The following PEX5 variants were observed in gnomAD, a reference collection of about 807,000 sequenced individuals.
The protein encoded by PEX5 is peroxisomal biogenesis factor 5.
PEX5 carries 52 observed loss-of-function variants against 82.9 expected under a neutral mutation model. That is an observed-to-expected ratio of 0.63 (90% CI 0.50 to 0.79). The LOEUF (loss-of-function observed/expected upper bound fraction) is 0.79, where lower values mean the gene tolerates loss of function less well. PEX5 is among the 30% of genes least tolerant of loss of function. The pLI is 0.00. For missense variants in PEX5, 719 were observed against 815.2 expected (o/e 0.88, Z 1.44); for synonymous variants, 300 against 318.8 (o/e 0.94, Z 0.63).
At chr12:7,204,870 A>AT (rs998022052) in intron 10 of PEX5, among the ~76,000 whole-genome samples, 5 of 151,550 alleles carry the variant, frequency 3.3e-5, no homozygotes, top group Non-Finnish European at 7.4e-5. Flanking sequence ...TAGAAAGCAA[A>AT]TTTTTTTTTA....
rs1232020173 is a variant in PEX5, at chr12:7,201,817, T to C, written c.618T>C (p.Asp206=). 1.2e-6 allele frequency: 2 copies of C among 1,613,546 alleles called. No individual in the cohort carries two copies. Among genetic ancestry groups the C allele is most frequent in the Admixed American group, 1.7e-5 (1 of 60,028 alleles). Residue 206 remains aspartate, a synonymous_variant, in exon 7 of 16, where the codon GAT becomes GAC. Coordinates refer to ENST00000675855, the MANE Select transcript of PEX5 (RefSeq NM_001351132.2). ...HTASDFVAKV[D]DPKLANSEFL... ...CCAGTGACTTTGTGGCCAAAGTGGA[T>C]GACCCCAAATTGGCTAATTCTGAGG... is the stretch of plus-strand genomic sequence containing the variant.
intron 10 of PEX5, among the ~76,000 whole-genome samples, chr12:7,206,343 G>T (rs143279449): frequency 1.3e-5 from 2 of 152,194 alleles, no homozygotes; most frequent in Non-Finnish European, 2.9e-5. Context: ...GAAGACAGCC[G>T]TGCTCATTTG....
intron 4 of PEX5, 44 bp from the exon 5 acceptor site, chr12:7,191,525 G>A: frequency 6.2e-7 from 1 of 1,610,996 alleles, no homozygotes; most frequent in Non-Finnish European, 8.5e-7. Flanking sequence ...TGATGGAATG[G>A]TATGTATGTA....
downstream of PEX5, among the ~76,000 whole-genome samples, chr12:7,216,477 A>G (rs998301927): frequency 6.6e-6 from 1 of 152,210 alleles, no homozygotes; most frequent in African/African-American, 2.4e-5. Context: ...ATGGGAGAGA[A>G]TATTTATATA....
At chr12:7,190,280 C>T (rs1211967033) in intron 1 of PEX5, 82 bp from the exon 2 acceptor site, 9 of 1,595,088 alleles carry the variant, frequency 5.6e-6, no homozygotes, top group East Asian at 2.2e-5. Context: ...GCCTGTGTGC[C>T]TTCCTCAGAT....
intron 5 of PEX5, among the ~76,000 whole-genome samples, chr12:7,197,340 ATATATGTCATATACAATGTAATAAT>A (rs1942818931): frequency 1.0e-5 from 1 of 95,350 alleles, no homozygotes; most frequent in African/African-American, 4.0e-5. Context: ...TGTAATAATT[ATATATGTCATATACAATGTAATAAT>A]TATATATGTC....
intron 5 of PEX5, among the ~76,000 whole-genome samples, chr12:7,192,883 G>C (rs1291227652): frequency 6.6e-6 from 1 of 152,248 alleles, no homozygotes; most frequent in Non-Finnish European, 1.5e-5. Flanking sequence ...AAATGTGTGT[G>C]AAGGAGGCCC....
At chr12:7,216,558 A>G (rs1378317807) in intron 17 of PEX5, among the ~76,000 whole-genome samples, 2 of 144,320 alleles carry the variant, frequency 1.4e-5, no homozygotes, top group African/African-American at 4.9e-5. Flanking sequence ...TATTTATTTT[A>G]CGATCATAAC....
In PEX5 at chr12:7,197,252, T is replaced by TATGTAATAATTATGTCATATATA. The variant is rs1942749357; in HGVS notation, c.449-1746_449-1745insGTCATATATAATGTAATAATTAT. Among the ~76,000 whole-genome samples the TATGTAATAATTATGTCATATATA allele has an allele frequency of 8.4e-4, 13 of 15,440 alleles. 4 individuals carry two copies. Among genetic ancestry groups the TATGTAATAATTATGTCATATATA allele is most frequent in the East Asian group, 2.2e-3 (2 of 914 alleles). The allele number at this position is 15,440 out of a possible 152,430, so 10.1% of individuals were successfully genotyped here. ...TGTCATATGTAATAATTATATGTCA[T>TATGTAATAATTATGTCATATATA]ATGTAATAATTATATATGTCATATA... On this transcript the variant is annotated intron_variant, in intron 5 of 15. Coordinates refer to ENST00000675855, the MANE Select transcript of PEX5 (RefSeq NM_001351132.2).
In PEX5 at chr12:7,191,707, C is replaced by G; in HGVS notation, c.448+7C>G. 1 of 1,612,900 alleles carries G rather than the reference C, an allele frequency of 6.2e-7. No homozygotes were observed. Among genetic ancestry groups the G allele is most frequent in the Non-Finnish European group, 8.5e-7 (1 of 1,178,956 alleles). On this transcript the variant is annotated splice_region_variant and intron_variant, in intron 5 of 15. Coordinates refer to ENST00000675855, the MANE Select transcript of PEX5 (RefSeq NM_001351132.2). Reference sequence around the variant, plus strand: ...TTCATCTCTGAAGTTACAGGTGAAACTTGTTATGGGAAAATCTATATTGGC... The same window carrying G: ...TTCATCTCTGAAGTTACAGGTGAAAGTTGTTATGGGAAAATCTATATTGGC...
intron 10 of PEX5, among the ~76,000 whole-genome samples, chr12:7,207,048 A>C (rs1395094413): frequency 6.6e-6 from 1 of 152,220 alleles, no homozygotes; most frequent in Non-Finnish European, 1.5e-5. Context: ...ATTCTCTGCC[A>C]TCTGGATTTT....
rs146875386 is a variant in PEX5, at chr12:7,189,901, G to T, written c.-17+151G>T. On this transcript the variant is annotated intron_variant, in intron 1 of 15. Coordinates refer to ENST00000675855, the MANE Select transcript of PEX5 (RefSeq NM_001351132.2). The stretch of plus-strand genomic sequence containing the variant: ...AGCGCGGGAGGGACCGGGCCGAGCC[G>T]GGGGAAGGGCTCCGGTGACTTAAGG... 97 of 1,418,750 alleles carry T rather than the reference G, an allele frequency of 6.8e-5. No homozygotes were observed. In the African/African-American group the frequency reaches 1.3e-3, roughly 20 times the overall value. The allele number at this position is 1,418,750 out of a possible 1,614,324, so 87.9% of individuals were successfully genotyped here.
intron 5 of PEX5, among the ~76,000 whole-genome samples, chr12:7,193,075 A>G (rs1453819722): frequency 6.6e-6 from 1 of 152,172 alleles, no homozygotes; most frequent in Non-Finnish European, 1.5e-5. Context: ...TATCTTCTTA[A>G]GCTCATTAGA....
chr12:7,213,172 A>G (rs1012632545), downstream of PEX5, among the ~76,000 whole-genome samples: 6 of 150,760 alleles, frequency 4.0e-5, no homozygotes, highest in African/African-American at 1.5e-4. Context: ...TACAGATTCA[A>G]TGCCATCCCC....
Position 7,191,586 on chromosome 12 carries a change from T to C in PEX5, c.334T>C (p.Leu112=). Residue 112 remains leucine (L), a synonymous_variant, in exon 5 of 16, where the codon TTG becomes CTG. Coordinates refer to ENST00000675855, the MANE Select transcript of PEX5 (RefSeq NM_001351132.2). ...CTTTTAAGCCCCTGGTGTGGCAGAC[T>C]TGGCCTTGTCTGAGAACTGGGCCCA... The part of the protein sequence containing the change: ...APQRAPGVAD[L]ALSENWAQEF... 1.2e-6 allele frequency: 2 copies of C among 1,614,168 alleles called. No homozygotes were observed. Among genetic ancestry groups the C allele is most frequent in the Non-Finnish European group, 1.7e-6 (2 of 1,180,002 alleles).
rs773062400 is a variant in PEX5, at chr12:7,208,019, T to C, written c.1120T>C (p.Tyr374His). The change falls in exon 12 of 16, where the codon TAT (tyrosine) becomes CAT (histidine). Residue 374 changes from tyrosine (Y) to histidine (H), a missense_variant. Tyr to His is a moderately conservative substitution (Grantham distance 83, BLOSUM62 2). Transcript: ENST00000675855. ...QDPKHMEAWQ[Y>H]LGTTQAENEQ... is the part of the protein sequence containing the mutation. ...GTCAACTTCCCTCTAGGCTTGGCAG[T>C]ATCTGGGTACCACCCAGGCAGAGAA... is the stretch of plus-strand genomic sequence containing the variant. The C allele has an allele frequency of 5.0e-6, 8 of 1,613,610 alleles. No individual in the cohort carries two copies. In the South Asian group the frequency reaches 8.8e-5, roughly 18 times the overall value.
At chr12:7,204,750 C>T (rs1944553051) in intron 10 of PEX5, among the ~76,000 whole-genome samples, 1 of 152,012 alleles carries the variant, frequency 6.6e-6, no homozygotes, top group African/African-American at 2.4e-5. Flanking sequence ...AGACATAATA[C>T]TAGTTTTGTA....
At chr12:7,203,959 C>T (rs1014210458) in intron 10 of PEX5, among the ~76,000 whole-genome samples, 1 of 147,236 alleles carries the variant, frequency 6.8e-6, no homozygotes, top group African/African-American at 2.4e-5. Flanking sequence ...ACTTTTTAAA[C>T]TCACATATTC....
downstream of PEX5, among the ~76,000 whole-genome samples, chr12:7,211,969 G>GT (rs371831157): frequency 1.1e-3 from 155 of 140,068 alleles, no homozygotes; most frequent in East Asian, 1.7e-3. Context: ...TTTTTTTTTT[G>GT]TTTTTTTTTT....
Sources: allele counts gnomAD v4.1 joint callset (sites outside exome capture counted in the v4.1 genomes callset), GRCh38; gene constraint gnomAD v4.1.1; transcripts MANE v1.5; gene names NCBI Gene and HGNC (gene_info 2026-07-23, HGNC 2026-07-21).